MTG1: variants seen among roughly 807,000 people sequenced by gnomAD.
The protein encoded by MTG1 is mitochondrial ribosome associated GTPase 1.
Under a neutral mutation model 39.5 loss-of-function variants are expected in MTG1, and 30 were observed. The ratio of observed to expected loss-of-function variants is 0.76; its 90% CI spans 0.57 to 1.03. MTG1 has a LOEUF of 1.03. MTG1 is among the 50% of genes least tolerant of loss of function. MTG1 has a pLI of 0.00. For synonymous variants in MTG1, 217 were observed against 179.0 expected (o/e 1.21, Z -1.69); for missense variants, 513 against 447.4 (o/e 1.15, Z -1.32).
chr10:133,405,695 C>T (rs1445875265), intron 9 of MTG1, among the ~76,000 whole-genome samples: 1 of 152,162 alleles, frequency 6.6e-6, no homozygotes, highest in African/African-American at 2.4e-5. Context: ...GCTAATATTT[C>T]ATTGTGTTTT....
chr10:133,404,525 C>T (rs1283583275), intron 9 of MTG1, among the ~76,000 whole-genome samples: 1 of 152,030 alleles, frequency 6.6e-6, no homozygotes. Context: ...GCCCTCTTAA[C>T]AGTGTTTTCC....
At chr10:133,400,186 C>G (rs565778649) in intron 6 of MTG1, among the ~76,000 whole-genome samples, 6 of 150,666 alleles carry the variant, frequency 4.0e-5, no homozygotes, top group Non-Finnish European at 8.9e-5. Flanking sequence ...AGCGAGACTC[C>G]GTCTCAAAAA....
chr10:133,396,103 A>G, intron 2 of MTG1, 60 bp from the exon 3 acceptor site: 2 of 1,505,556 alleles, frequency 1.3e-6, no homozygotes, highest in Non-Finnish European at 1.8e-6. Flanking sequence ...CACTGATGGC[A>G]AGAAAAAAAG....
chr10:133,397,521 C>T (rs1207005524), intron 3 of MTG1, among the ~76,000 whole-genome samples: 1 of 151,486 alleles, frequency 6.6e-6, no homozygotes, highest in Non-Finnish European at 1.5e-5. Flanking sequence ...CTCTGTCGCC[C>T]AGGCTGGAGT....
At chr10:133,395,039 C>T (rs1338479282) in intron 1 of MTG1, among the ~76,000 whole-genome samples, 1 of 152,188 alleles carries the variant, frequency 6.6e-6, no homozygotes, top group African/African-American at 2.4e-5. Context: ...CTATCGTCAT[C>T]ATCCCCGCGA....
intron 9 of MTG1, among the ~76,000 whole-genome samples, chr10:133,404,757 A>C (rs1175749726): frequency 6.6e-6 from 1 of 151,672 alleles, no homozygotes; most frequent in African/African-American, 2.4e-5. Flanking sequence ...TTTTTTGCAC[A>C]TGGAGAACCA....
At chr10:133,400,337 T>C (rs1461620097) in intron 6 of MTG1, among the ~76,000 whole-genome samples, 4 of 152,282 alleles carry the variant, frequency 2.6e-5, no homozygotes, top group African/African-American at 9.6e-5. Flanking sequence ...GGAGGGTTCC[T>C]GGACTCCGGA....
At chr10:133,398,073 T>A (rs1314377817) in intron 3 of MTG1, among the ~76,000 whole-genome samples, 2 of 152,150 alleles carry the variant, frequency 1.3e-5, no homozygotes, top group Admixed American at 6.5e-5. Context: ...TTATGTTTGA[T>A]CTCTCCATCC....
chr10:133,416,980 C>T (rs1306460392), intron 9 of MTG1, among the ~76,000 whole-genome samples: 1 of 151,536 alleles, frequency 6.6e-6, no homozygotes, highest in Non-Finnish European at 1.5e-5. Context: ...AATCGCCACA[C>T]TGACTTCCAC....
chr10:133,396,179 G>T lies in MTG1; in HGVS notation c.194G>T (p.Arg65Leu). Reference protein sequence around the residue: ...VHDARIPLSGRNPLFQETLGL... With the variant: ...VHDARIPLSGLNPLFQETLGL... ...TTTTGCCACATCCCACTTTCAGGCC[G>T]CAACCCTCTGTTTCAGGAAACCCTT... Residue 65 changes from arginine to leucine, a missense_variant, in exon 3 of 11, where the codon CGC becomes CTC. Physicochemically the swap from Arg to Leu is moderately radical, Grantham distance 102. Transcript: ENST00000317502. 1 of 1,614,060 alleles carries T rather than the reference G, an allele frequency of 6.2e-7. No homozygotes were observed. Among genetic ancestry groups the T allele is most frequent in the East Asian group, 2.2e-5 (1 of 44,882 alleles).
rs376723290 is a variant in MTG1 at position 133,419,934 on chromosome 10, G to A, written c.866-92G>A. Reference sequence around the variant, plus strand: ...CCCTGGGCTTCCCTGATGCCATCATGGAGCCTCTTAGGGCTGGTCCCTCAG... The same window carrying A: ...CCCTGGGCTTCCCTGATGCCATCATAGAGCCTCTTAGGGCTGGTCCCTCAG... On this transcript the variant is annotated intron_variant, in intron 10 of 10. Transcript: ENST00000317502. The A allele has an allele frequency of 1.1e-5, 15 of 1,413,992 alleles. No homozygotes were observed. The East Asian group carries it at 3.0e-4, about 28-fold the overall frequency. The allele number at this position is 1,413,992 out of a possible 1,614,324, so 87.6% of individuals were successfully genotyped here. A position where few individuals can be genotyped will look rare whatever the true frequency, so the allele number is the denominator to read the frequency against.
chr10:133,419,643 G>C (rs377706510), intron 10 of MTG1, 51 bp downstream of exon 10: 2 of 1,474,118 alleles, frequency 1.4e-6, no homozygotes, highest in African/African-American at 2.8e-5. Context: ...ATCACCCTGG[G>C]GGACCCCGGC....
Position 133,420,164 on chromosome 10 carries a change from G to A in MTG1, c.1004G>A (p.Ter335=). The A allele has an allele frequency of 6.2e-7, 1 of 1,607,924 alleles. No homozygotes were observed. The highest frequency in any genetic ancestry group is 8.5e-7 in the Non-Finnish European group (1 of 1,177,024). The stretch of plus-strand genomic sequence containing the variant: ...CACCCCCCGGCTGAGACTTTGCCCT[G>A]AACTTGTCCGGGTAGGGAGGGCCGG... The part of the protein sequence containing the change: ...RGHPPAETLP[*] The change falls in exon 11 of 11, where the codon TGA becomes TAA. Residue 335 remains the stop codon, a stop_retained_variant. Transcript: ENST00000317502.
chr10:133,413,102 T>C (rs1159714840), intron 9 of MTG1, among the ~76,000 whole-genome samples: 1 of 152,182 alleles, frequency 6.6e-6, no homozygotes, highest in Admixed American at 6.5e-5. Flanking sequence ...TGTCTGATAT[T>C]AATATAGCCA....
intron 9 of MTG1, among the ~76,000 whole-genome samples, chr10:133,406,504 A>T (rs988694040): frequency 6.6e-6 from 1 of 150,888 alleles, no homozygotes; most frequent in Non-Finnish European, 1.5e-5. Context: ...CTTGATGTAA[A>T]TTTTTTTACA....
intron 9 of MTG1, among the ~76,000 whole-genome samples, chr10:133,411,120 C>CT (rs1240400245): frequency 2.0e-5 from 3 of 151,914 alleles, no homozygotes; most frequent in South Asian, 2.1e-4. Flanking sequence ...GATTGAAGAA[C>CT]TTTTTTTTAG....
chr10:133,409,054 A>T (rs1850008368), intron 9 of MTG1, among the ~76,000 whole-genome samples: 2 of 144,628 alleles, frequency 1.4e-5, no homozygotes, highest in Admixed American at 1.4e-4. Context: ...TGGTCTCCTG[A>T]TCTCTGTTAT....
rs1235845755 is a variant in MTG1 at position 133,394,241 on chromosome 10, G to C, written c.21G>C (p.Ala7=). 3 of 1,514,516 alleles carry C rather than the reference G, an allele frequency of 2.0e-6. No individual in the cohort carries two copies. Among genetic ancestry groups the C allele is most frequent in the African/African-American group, 2.9e-5 (2 of 69,360 alleles). 93.8% of individuals were successfully genotyped at this position (1,514,516 alleles called of 1,614,324 possible). A position where few individuals can be genotyped will look rare whatever the true frequency, so the allele number is the denominator to read the frequency against. Residue 7 remains alanine, a synonymous_variant, in exon 1 of 11, where the codon GCG becomes GCC. Transcript: ENST00000317502. The stretch of plus-strand genomic sequence containing the variant: ...CCGCCATGAGATTGACCCCGCGCGC[G>C]CTGTGCAGCGCCGCCCAGGCCGCCT... MRLTPR[A]LCSAAQAAWR...
rs1850262384 is a variant in MTG1, at chr10:133,422,435, A to T, written c.*2270A>T. 6.6e-6 allele frequency: 1 copy of T among 152,290 alleles called. No individual in the cohort carries two copies. Among genetic ancestry groups the T allele is most frequent in the African/African-American group, 2.4e-5 (1 of 41,454 alleles). The allele number at this position is 152,290 out of a possible 1,614,324, so 9.4% of individuals were successfully genotyped here. A position where few individuals can be genotyped will look rare whatever the true frequency, so the allele number is the denominator to read the frequency against. On this transcript the variant is annotated 3_prime_UTR_variant, in exon 11 of 11. Transcript: ENST00000317502. ...GTGTGATCCCTGAATGTGAACCTGA[A>T]GTTCAAAGGACTTGGAAAGCTCTGG...
Sources: gnomAD v4.1 joint callset for allele counts (sites outside exome capture counted in the v4.1 genomes callset) on GRCh38, gnomAD v4.1.1 for gene constraint, MANE v1.5 for transcripts, NCBI Gene and HGNC (gene_info 2026-07-23, HGNC 2026-07-21) for gene names.